The following HERPUD2 variants were observed in gnomAD, a reference collection of about 807,000 sequenced individuals.
The protein encoded by HERPUD2 is homocysteine-responsive endoplasmic reticulum-resident ubiquitin-like domain member 2 protein.
A neutral mutation model predicts 49.9 loss-of-function variants in HERPUD2; 13 were observed. That is an observed-to-expected ratio of 0.26 (90% confidence interval 0.17 to 0.41). The LOEUF is 0.41. Among genes scored for constraint, HERPUD2 ranks in the 10% least tolerant of loss-of-function variants. The pLI is 1.00. For missense variants in HERPUD2, 449 were observed against 492.2 expected (o/e 0.91, Z 0.83); for synonymous variants, 172 against 171.4 (o/e 1.00, Z -0.03).
At chr7:35,680,860 G>A (rs937514369) in intron 2 of HERPUD2, among the ~76,000 whole-genome samples, 29 of 152,178 alleles carry the variant, frequency 1.9e-4, no homozygotes, top group African/African-American at 9.7e-5. Flanking sequence ...CAAAGGGTCC[G>A]TAGCCATCTT....
Position 35,661,668 on chromosome 7 carries a change from CTCTG to C in HERPUD2, c.494+5762_494+5765del, listed in dbSNP as rs569994061. On this transcript the variant is annotated intron_variant, in intron 5 of 8. Transcript: ENST00000311350. ...ATGGGAGTTCACTCATGATTTGGCT[CTCTG>C]TCTGTCTGTTATTGGTGTATAGGAA... Among the ~76,000 whole-genome samples the C allele has an allele frequency of 2.8e-3, 429 of 152,200 alleles. 4 individuals carry two copies. Among genetic ancestry groups the C allele is most frequent in the East Asian group, 0.017 (87 of 5,192 alleles).
At chr7:35,653,663 A>G (rs1339615620) in intron 5 of HERPUD2, among the ~76,000 whole-genome samples, 1 of 151,900 alleles carries the variant, frequency 6.6e-6, no homozygotes, top group Non-Finnish European at 1.5e-5. Flanking sequence ...GTTAGGCCAC[A>G]AAACAAGTCT....
chr7:35,693,956 T>C (rs1224515149), intron 2 of HERPUD2, among the ~76,000 whole-genome samples: 1 of 152,160 alleles, frequency 6.6e-6, no homozygotes, highest in Non-Finnish European at 1.5e-5. Flanking sequence ...AATTCTTAAG[T>C]CCCTTGATAT....
chr7:35,650,099 A>C (rs557827502), intron 5 of HERPUD2, among the ~76,000 whole-genome samples: 1 of 152,336 alleles, frequency 6.6e-6, no homozygotes, highest in East Asian at 1.9e-4. Flanking sequence ...GAGAGGCTTC[A>C]TGACGGCTAA....
chr7:35,691,880 C>T (rs1786197988), intron 2 of HERPUD2, among the ~76,000 whole-genome samples: 1 of 152,280 alleles, frequency 6.6e-6, no homozygotes, highest in Admixed American at 6.5e-5. Flanking sequence ...AATCAATTCT[C>T]ACGTGATAAG....
At chr7:35,684,909 T>C (rs1786001511) in intron 2 of HERPUD2, among the ~76,000 whole-genome samples, 2 of 151,854 alleles carry the variant, frequency 1.3e-5, no homozygotes, top group Non-Finnish European at 2.9e-5. Context: ...AAAAATAAAA[T>C]AAAAGGAAAA....
chr7:35,638,250 CAT>C, intron 6 of HERPUD2, 98 bp downstream of exon 6: 2 of 1,197,414 alleles, frequency 1.7e-6, no homozygotes, highest in Non-Finnish European at 2.3e-6. Flanking sequence ...ACATTAAATA[CAT>C]AAACAAATGA....
chr7:35,680,585 C>T (rs1785860810), intron 2 of HERPUD2, among the ~76,000 whole-genome samples: 1 of 152,138 alleles, frequency 6.6e-6, no homozygotes, highest in East Asian at 1.9e-4. Flanking sequence ...ACTCACTAGC[C>T]AAACTGACAT....
At chr7:35,637,563 C>T (rs185403675) in intron 6 of HERPUD2, among the ~76,000 whole-genome samples, 147 of 152,222 alleles carry the variant, frequency 9.7e-4, no homozygotes, top group African/African-American at 3.2e-3. Flanking sequence ...AACAATAAAG[C>T]AGAGACACAG....
At chr7:35,649,035 A>G (rs541217924) in intron 5 of HERPUD2, among the ~76,000 whole-genome samples, 11 of 152,292 alleles carry the variant, frequency 7.2e-5, no homozygotes, top group Admixed American at 3.3e-4. Context: ...GCAGATCACA[A>G]GGTCAGGAGA....
intron 2 of HERPUD2, among the ~76,000 whole-genome samples, chr7:35,687,864 T>G (rs1396649458): frequency 6.6e-6 from 1 of 152,222 alleles, no homozygotes; most frequent in Non-Finnish European, 1.5e-5. Flanking sequence ...TAGTATCAAA[T>G]GATTAAATTT....
intron 5 of HERPUD2, among the ~76,000 whole-genome samples, chr7:35,658,799 T>C (rs1785345920): frequency 6.6e-6 from 1 of 152,190 alleles, no homozygotes; most frequent in South Asian, 2.1e-4. Flanking sequence ...GACTTACAAA[T>C]GGAACTTTGT....
At chr7:35,674,791 A>C (rs1258285601) in intron 2 of HERPUD2, among the ~76,000 whole-genome samples, 1 of 152,050 alleles carries the variant, frequency 6.6e-6, no homozygotes, top group Non-Finnish European at 1.5e-5. Flanking sequence ...GAGTTCTGAG[A>C]GCTCCAGCAC....
intron 2 of HERPUD2, among the ~76,000 whole-genome samples, 180 bp from the exon 3 acceptor site, chr7:35,673,458 G>A (rs1785686399): frequency 1.3e-5 from 2 of 152,038 alleles, no homozygotes. Context: ...ACATTTAAGA[G>A]TTCAGCAAAT....
chr7:35,680,362 T>C (rs1287144773), intron 2 of HERPUD2, among the ~76,000 whole-genome samples: 1 of 152,002 alleles, frequency 6.6e-6, no homozygotes, highest in Admixed American at 6.6e-5. Context: ...TGAGCTATGA[T>C]CACTCCCACT....
intron 2 of HERPUD2, among the ~76,000 whole-genome samples, chr7:35,682,867 G>T (rs1457291540): frequency 6.7e-6 from 1 of 149,328 alleles, no homozygotes; most frequent in Non-Finnish European, 1.5e-5. Flanking sequence ...TAACCAAGGA[G>T]GCAAAAGACC....
chr7:35,662,608 T>G (rs1442556936), intron 5 of HERPUD2, among the ~76,000 whole-genome samples: 1 of 152,068 alleles, frequency 6.6e-6, no homozygotes, highest in South Asian at 2.1e-4. Flanking sequence ...CTTGGGAGGG[T>G]GTATGTGTCG....
At chr7:35,660,438 T>C (rs1172231170) in intron 5 of HERPUD2, among the ~76,000 whole-genome samples, 1 of 152,200 alleles carries the variant, frequency 6.6e-6, no homozygotes, top group African/African-American at 2.4e-5. Flanking sequence ...TTCTAGATCC[T>C]TGAGGAATCG....
rs1435584409 is a variant in HERPUD2, at chr7:35,649,931, G to A, written c.495-11459C>T. On this transcript the variant is annotated intron_variant, in intron 5 of 8. Transcript: ENST00000311350. ...TCCCTTCCCATCATGGCCTGAACCA[G>A]TTTTTCAGGTTCACTATGGAGTTTC... 2.0e-5 allele frequency among the ~76,000 whole-genome samples: 3 copies of A among 151,836 alleles called. No individual in the cohort carries two copies. In the East Asian group the frequency reaches 5.8e-4, roughly 29 times the overall value.
Sources: gnomAD v4.1 joint callset for allele counts (sites outside exome capture counted in the v4.1 genomes callset) on GRCh38, gnomAD v4.1.1 for gene constraint, MANE v1.5 for transcripts, NCBI Gene and HGNC (gene_info 2026-07-23, HGNC 2026-07-21) for gene names.